Variants in DISC1 observed in about 807,000 individuals in gnomAD.
The protein encoded by DISC1 is DISC1 scaffold protein.
Under a neutral mutation model 84.5 loss-of-function variants are expected in DISC1, and 57 were observed. The ratio of observed to expected loss-of-function variants is 0.67; its 90% CI spans 0.55 to 0.84. DISC1 has a LOEUF of 0.84. DISC1 is among the 40% of genes least tolerant of loss of function. DISC1 has a pLI of 0.00. For missense variants in DISC1, 1,000 were observed against 1,057.8 expected (o/e 0.95, Z 0.76); for synonymous variants, 411 against 415.2 (o/e 0.99, Z 0.12).
intron 3 of DISC1, among the ~76,000 whole-genome samples, chr1:231,711,975 G>A (rs553314951): frequency 3.1e-4 from 47 of 152,226 alleles, no homozygotes; most frequent in African/African-American, 1.1e-3. Context: ...CTTGATGAGG[G>A]CATCATCCCA....
chr1:231,960,891 A>G (rs1226280266), intron 10 of DISC1, among the ~76,000 whole-genome samples: 1 of 152,232 alleles, frequency 6.6e-6, no homozygotes, highest in Non-Finnish European at 1.5e-5. Context: ...TGGGATTCCC[A>G]TGATCCCCTC....
intron 3 of DISC1, among the ~76,000 whole-genome samples, chr1:231,731,319 T>C (rs781598982): frequency 1.8e-4 from 28 of 152,262 alleles, no homozygotes; most frequent in Non-Finnish European, 3.4e-4. Context: ...TCCTGCAGCT[T>C]AAAGGCAGTT....
At chr1:231,683,103 T>C (rs542494250) in intron 1 of DISC1, among the ~76,000 whole-genome samples, 1 of 152,366 alleles carries the variant, frequency 6.6e-6, no homozygotes, top group African/African-American at 2.4e-5. Context: ...ATTTTAAATA[T>C]AGACCATACT....
rs944893108 is a variant in DISC1, at chr1:232,038,388, G to A, written c.*1557G>A. 2.0e-5 allele frequency: 3 copies of A among 152,088 alleles called. No individual in the cohort carries two copies. The highest frequency in any genetic ancestry group is 4.4e-5 in the Non-Finnish European group (3 of 68,036). The allele number at this position is 152,088 out of a possible 1,614,324, so 9.4% of individuals were successfully genotyped here. Reference sequence around the variant, plus strand: ...TTCCCAAAGTGCACTGAGGAAGGTGGCCCCAAGAGAAGCTCTCTAAACAAA... The same window carrying A: ...TTCCCAAAGTGCACTGAGGAAGGTGACCCCAAGAGAAGCTCTCTAAACAAA... On this transcript the variant is annotated 3_prime_UTR_variant, in exon 13 of 13. Transcript: ENST00000439617.
At chr1:231,833,631 G>A (rs564313115) in intron 9 of DISC1, among the ~76,000 whole-genome samples, 9 of 152,250 alleles carry the variant, frequency 5.9e-5, no homozygotes, top group Middle Eastern at 3.4e-3. Context: ...CCTGGGCTGC[G>A]GGCATTCCTT....
intron 10 of DISC1, among the ~76,000 whole-genome samples, chr1:232,004,966 T>A (rs150270360): frequency 0.013 from 947 of 74,912 alleles, 6 homozygotes; most frequent in Middle Eastern, 0.019. Flanking sequence ...CCTTCCTTCC[T>A]TCTTCCCTTC....
chr1:231,686,950 CTT>C lies in DISC1; in HGVS notation c.68-6874_68-6873del, dbSNP rs1346247549. 2.6e-4 allele frequency among the ~76,000 whole-genome samples: 39 copies of C among 152,302 alleles called. 1 individual carries two copies. Among genetic ancestry groups the C allele is most frequent in the African/African-American group, 9.1e-4 (38 of 41,558 alleles). ...GGCAGGGGCAAAATGCTGCCCATCT[CTT>C]TGCTAAAACATAACAAGAGTCACCT... On this transcript the variant is annotated intron_variant, in intron 1 of 12. Transcript: ENST00000439617.
intron 9 of DISC1, among the ~76,000 whole-genome samples, chr1:231,911,272 G>A (rs913954417): frequency 3.9e-5 from 6 of 152,220 alleles, no homozygotes; most frequent in South Asian, 2.1e-4. Context: ...TCCTAGCCTC[G>A]ATGGTCTTTA....
At chr1:231,714,595 CAGAA>C (rs35491535) in intron 3 of DISC1, among the ~76,000 whole-genome samples, 7,577 of 149,352 alleles carry the variant, frequency 0.051, 213 homozygotes, top group Admixed American at 0.078. Flanking sequence ...GGGAGAGAGA[CAGAA>C]AGAGAGAAGA....
chr1:231,733,353 GGAGTGGTGGTAGTGGTAGT>G (rs201847984), intron 3 of DISC1, among the ~76,000 whole-genome samples: 13,287 of 150,652 alleles, frequency 0.088, 851 homozygotes, highest in East Asian at 0.25. Context: ...GATTGCAGTA[GGAGTGGTGGTAGTGGTAGT>G]GAGTGGTGGT....
At chr1:231,758,929 A>G (rs1055998474) in intron 4 of DISC1, among the ~76,000 whole-genome samples, 1 of 152,196 alleles carries the variant, frequency 6.6e-6, no homozygotes, top group African/African-American at 2.4e-5. Context: ...GTTTGTATGC[A>G]TGCGCACACA....
chr1:231,912,493 G>A (rs1378218070), intron 9 of DISC1, among the ~76,000 whole-genome samples: 1 of 152,140 alleles, frequency 6.6e-6, no homozygotes, highest in Non-Finnish European at 1.5e-5. Flanking sequence ...CTGCAGAACA[G>A]CAAATATTGC....
chr1:231,714,695 A>C (rs1318236117), intron 3 of DISC1, among the ~76,000 whole-genome samples: 1 of 151,708 alleles, frequency 6.6e-6, no homozygotes, highest in Non-Finnish European at 1.5e-5. Context: ...ACAGAAAGAG[A>C]GAGATAGGGA....
chr1:231,818,752 T>C, intron 9 of DISC1: 1 of 1,377,162 alleles, frequency 7.3e-7, no homozygotes, highest in Non-Finnish European at 9.4e-7. Context: ...GTTCCCTGTC[T>C]CAACCTGTGT....
At chr1:231,796,657 G>T (rs1403537297) in intron 7 of DISC1, among the ~76,000 whole-genome samples, 1 of 152,172 alleles carries the variant, frequency 6.6e-6, no homozygotes, top group African/African-American at 2.4e-5. Flanking sequence ...TGTACAAAGA[G>T]AGCTTCCTGT....
chr1:231,764,967 G>A (rs1026305771), intron 4 of DISC1, among the ~76,000 whole-genome samples: 4 of 151,992 alleles, frequency 2.6e-5, no homozygotes, highest in African/African-American at 4.8e-5. Flanking sequence ...CGAGGTGGGC[G>A]GATCATCAGG....
intron 12 of DISC1, among the ~76,000 whole-genome samples, chr1:232,027,706 C>A (rs770723312): frequency 6.6e-6 from 1 of 151,708 alleles, no homozygotes; most frequent in Non-Finnish European, 1.5e-5. Flanking sequence ...TTATTAGATG[C>A]GTTTGTGGCA....
rs551372789 is a variant in DISC1 at position 232,026,770 on chromosome 1, T to C, written c.2425+218T>C. On this transcript the variant is annotated intron_variant, in intron 12 of 12. Coordinates refer to ENST00000439617, the MANE Select transcript of DISC1 (RefSeq NM_018662.3). The stretch of plus-strand genomic sequence containing the variant: ...TATTTTTTTTCTTTTTTCTTTTTTT[T>C]TTTTTTTTTTTTTTGATGCCTTGGC... Among the ~76,000 whole-genome samples the C allele has an allele frequency of 4.0e-4, 57 of 141,242 alleles. 1 individual carries two copies. The highest frequency in any genetic ancestry group is 3.5e-3 in the Middle Eastern group (1 of 282). The allele number at this position is 141,242 out of a possible 152,430, so 92.7% of individuals were successfully genotyped here. A position where few individuals can be genotyped will look rare whatever the true frequency, so the allele number is the denominator to read the frequency against.
chr1:231,887,160 C>T (rs892824461), intron 9 of DISC1, among the ~76,000 whole-genome samples: 2 of 152,038 alleles, frequency 1.3e-5, no homozygotes, highest in African/African-American at 4.8e-5. Context: ...GTGCCTGGCC[C>T]AGACCTGACT....
Sources: allele counts gnomAD v4.1 joint callset (sites outside exome capture counted in the v4.1 genomes callset), GRCh38; gene constraint gnomAD v4.1.1; transcripts MANE v1.5; gene names NCBI Gene and HGNC (gene_info 2026-07-23, HGNC 2026-07-21).